COL4A2: variants seen among roughly 807,000 people sequenced by gnomAD.
The protein encoded by COL4A2 is collagen type IV alpha 2 chain.
A neutral mutation model predicts 200.2 loss-of-function variants in COL4A2; 99 were observed. That is an observed-to-expected ratio of 0.49 (90% CI 0.42 to 0.58). COL4A2 has a LOEUF of 0.58. COL4A2 is among the 20% of genes least tolerant of loss of function. The pLI is 0.00. For synonymous variants in COL4A2, 897 were observed against 900.6 expected (o/e 1.00, Z 0.07); for missense variants, 1,950 against 2,314.1 (o/e 0.84, Z 3.23).
intron 3 of COL4A2, among the ~76,000 whole-genome samples, chr13:110,353,088 G>A (rs1011649227): frequency 1.3e-5 from 2 of 152,156 alleles, no homozygotes; most frequent in African/African-American, 4.8e-5. Flanking sequence ...AGAAATTAAT[G>A]GAGGATTGAA....
chr13:110,487,531 C>A (rs983357669), intron 34 of COL4A2, among the ~76,000 whole-genome samples: 1 of 152,196 alleles, frequency 6.6e-6, no homozygotes, highest in African/African-American at 2.4e-5. Flanking sequence ...TTATTCATAA[C>A]AGCTCGAAAC....
At chr13:110,344,350 A>G (rs1437827873) in intron 3 of COL4A2, among the ~76,000 whole-genome samples, 1 of 152,230 alleles carries the variant, frequency 6.6e-6, no homozygotes, top group African/African-American at 2.4e-5. Context: ...ATGGTCTTTT[A>G]TGCAGCCAAT....
chr13:110,357,540 G>A lies in COL4A2; in HGVS notation c.168G>A (p.Glu56=). ...GTGGGGGCTGCCAGTGCTACCCTGAGAAAGGTGGACGTGTAAGTCACAGCA... is the reference window on the plus strand; with the variant it reads ...GTGGGGGCTGCCAGTGCTACCCTGAAAAAGGTGGACGTGTAAGTCACAGCA... The part of the protein sequence containing the change: ...DCSGGCQCYP[E]KGGRGQPGPV... The change falls in exon 4 of 48, where the codon GAG becomes GAA. Residue 56 remains glutamate, a synonymous_variant. Coordinates refer to ENST00000360467, the MANE Select transcript of COL4A2 (RefSeq NM_001846.4). The A allele has an allele frequency of 1.9e-6, 3 of 1,584,794 alleles. No homozygotes were observed. The highest frequency in any genetic ancestry group is 2.3e-5 in the South Asian group (2 of 86,962).
intron 4 of COL4A2, among the ~76,000 whole-genome samples, chr13:110,369,432 C>G (rs1453219253): frequency 6.6e-6 from 1 of 151,960 alleles, no homozygotes. Context: ...TTTGAAAATT[C>G]AAAAAACTCC....
intron 29 of COL4A2, among the ~76,000 whole-genome samples, chr13:110,474,825 CCA>C (rs1882633118): frequency 6.8e-6 from 1 of 146,240 alleles, no homozygotes; most frequent in South Asian, 2.2e-4. Flanking sequence ...ATGCACGTAC[CCA>C]CACACGTGCC....
At chr13:110,426,491 C>T (rs1412312383) in intron 6 of COL4A2, among the ~76,000 whole-genome samples, 1 of 152,114 alleles carries the variant, frequency 6.6e-6, no homozygotes, top group South Asian at 2.1e-4. Context: ...ATATCACCTG[C>T]CATAAGTAAT....
intron 11 of COL4A2, among the ~76,000 whole-genome samples, chr13:110,434,155 G>T (rs538546145): frequency 6.6e-6 from 1 of 152,092 alleles, no homozygotes; most frequent in African/African-American, 2.4e-5. Context: ...ATATACTCAC[G>T]ATCGAGGGCC....
Position 110,325,787 on chromosome 13 carries a change from T to A in COL4A2, c.99+17664T>A, listed in dbSNP as rs568279219. ...TATGAATGTGTCCTGTTCCTGAATT[T>A]CTTTTTTTTTTTTTTAGACGGAGTC... On this transcript the variant is annotated intron_variant, in intron 3 of 47. Transcript: ENST00000360467. Among the ~76,000 whole-genome samples the A allele has an allele frequency of 7.4e-4, 113 of 151,998 alleles. 1 individual carries two copies. The highest frequency in any genetic ancestry group is 2.6e-3 in the African/African-American group (108 of 41,472).
chr13:110,344,830 CTG>C (rs1437909771), intron 3 of COL4A2, among the ~76,000 whole-genome samples: 2 of 152,172 alleles, frequency 1.3e-5, no homozygotes, highest in African/African-American at 4.8e-5. Flanking sequence ...TCAAGATAAA[CTG>C]TTTTATTTAC....
At chr13:110,345,233 G>C (rs1373609104) in intron 3 of COL4A2, among the ~76,000 whole-genome samples, 2 of 152,162 alleles carry the variant, frequency 1.3e-5, no homozygotes, top group Non-Finnish European at 2.9e-5. Flanking sequence ...GTGTACAAAC[G>C]CAAGTTCTTT....
rs144503065 is a variant in COL4A2 at position 110,309,434 on chromosome 13, A to G, written c.99+1311A>G. Reference sequence around the variant, plus strand: ...TAATGCACAGGTCTGTACTGCATGTAAGACTTGGCTCAGATTTATGAACCA... The same window carrying G: ...TAATGCACAGGTCTGTACTGCATGTGAGACTTGGCTCAGATTTATGAACCA... On this transcript the variant is annotated intron_variant, in intron 3 of 47. Transcript: ENST00000360467. 7.2e-5 allele frequency among the ~76,000 whole-genome samples: 11 copies of G among 152,370 alleles called. No individual in the cohort carries two copies. In the East Asian group the frequency reaches 1.5e-3, roughly 21 times the overall value.
chr13:110,358,396 T>A (rs1394912377), intron 4 of COL4A2, among the ~76,000 whole-genome samples: 3 of 152,206 alleles, frequency 2.0e-5, no homozygotes, highest in Non-Finnish European at 4.4e-5. Context: ...GCTTCTGGAT[T>A]CTTCCTGAAG....
chr13:110,365,723 C>G (rs113874243), intron 4 of COL4A2, among the ~76,000 whole-genome samples: 11 of 152,218 alleles, frequency 7.2e-5, no homozygotes, highest in Admixed American at 2.6e-4. Context: ...GGCATCCTCC[C>G]CGGTTCATTG....
intron 24 of COL4A2, among the ~76,000 whole-genome samples, chr13:110,463,461 A>G (rs555605937): frequency 6.6e-6 from 1 of 152,220 alleles, no homozygotes; most frequent in Non-Finnish European, 1.5e-5. Context: ...GATTGAAGTC[A>G]TAATCCTCTT....
At chr13:110,323,422 G>A (rs60838640) in intron 3 of COL4A2, among the ~76,000 whole-genome samples, 12,671 of 152,234 alleles carry the variant, frequency 0.083, 689 homozygotes, top group African/African-American at 0.15. Flanking sequence ...CTGGACAGCC[G>A]TCTTGCTGTT....
At chr13:110,447,000 T>C in intron 18 of COL4A2, 136 bp downstream of exon 18, 1 of 483,370 alleles carries the variant, frequency 2.1e-6, no homozygotes, top group Non-Finnish European at 3.3e-6. Context: ...ATAAAAAAAA[T>C]AAAAAATAAA....
At chr13:110,492,262 AG>A in intron 38 of COL4A2, 85 bp downstream of exon 38, 1 of 1,226,928 alleles carries the variant, frequency 8.2e-7, no homozygotes. Context: ...AGCCTCTCTC[AG>A]GGCGACTTCT....
At chr13:110,310,862 T>C (rs902902085) in intron 3 of COL4A2, among the ~76,000 whole-genome samples, 34 of 152,294 alleles carry the variant, frequency 2.2e-4, no homozygotes, top group Middle Eastern at 3.4e-3. Flanking sequence ...ATGAGCTAGG[T>C]AACTATTATT....
At chr13:110,452,981 G>A (rs1881599512) in intron 20 of COL4A2, among the ~76,000 whole-genome samples, 1 of 151,794 alleles carries the variant, frequency 6.6e-6, no homozygotes, top group South Asian at 2.1e-4. Context: ...GCCCAGGCTG[G>A]TCTTGAACTC....
Sources: gnomAD v4.1 joint callset for allele counts (sites outside exome capture counted in the v4.1 genomes callset) on GRCh38, gnomAD v4.1.1 for gene constraint, MANE v1.5 for transcripts, NCBI Gene and HGNC (gene_info 2026-07-23, HGNC 2026-07-21) for gene names.